NRXN1: variants seen among roughly 807,000 people sequenced by gnomAD.
The protein encoded by NRXN1 is neurexin-1.
NRXN1 carries 39 observed loss-of-function variants against 150.9 expected under a neutral mutation model. That is an observed-to-expected ratio of 0.26 (90% CI 0.20 to 0.34). The LOEUF is 0.34. NRXN1 is among the 10% of genes least tolerant of loss of function. The probability of loss-of-function intolerance (pLI) is 1.00; values close to 1 mark genes in which losing one functional copy is unlikely to be tolerated. For missense variants in NRXN1, 1,815 were observed against 1,949.9 expected, an observed-to-expected ratio of 0.93 and a Z score of 1.30; for synonymous variants, 924 against 757.0, an observed-to-expected ratio of 1.22 and a Z score of -3.62.
At chr2:50,820,278 T>G (rs1488686698) in intron 5 of NRXN1, among the ~76,000 whole-genome samples, 2 of 152,128 alleles carry the variant, frequency 1.3e-5, no homozygotes, top group Non-Finnish European at 1.5e-5. Context: ...CTTTATTCTC[T>G]TTCCCCATTA....
intron 2 of NRXN1, among the ~76,000 whole-genome samples, chr2:51,010,703 A>C (rs909462032): frequency 1.7e-4 from 26 of 152,026 alleles, no homozygotes; most frequent in African/African-American, 5.6e-4. Context: ...GAACTATAAT[A>C]ATACACACTC....
intron 2 of NRXN1, among the ~76,000 whole-genome samples, chr2:50,971,783 A>T (rs1161669845): frequency 1.3e-5 from 2 of 151,960 alleles, no homozygotes; most frequent in Non-Finnish European, 2.9e-5. Flanking sequence ...GTGTTTAAAA[A>T]TTTTTTTCAT....
At chr2:50,494,271 A>G (rs1433523559) in intron 15 of NRXN1, among the ~76,000 whole-genome samples, 1 of 152,100 alleles carries the variant, frequency 6.6e-6, no homozygotes, top group Non-Finnish European at 1.5e-5. Flanking sequence ...AGTATCCCTA[A>G]TTTCCAGTGA....
At chr2:50,586,511 C>T (rs538320682) in intron 8 of NRXN1, among the ~76,000 whole-genome samples, 3 of 151,956 alleles carry the variant, frequency 2.0e-5, no homozygotes, top group East Asian at 3.9e-4. Flanking sequence ...ATAAAGTATG[C>T]ACATATTAAA....
intron 21 of NRXN1, among the ~76,000 whole-genome samples, chr2:49,944,853 AATAAC>A (rs1188646455): frequency 6.6e-6 from 1 of 152,132 alleles, no homozygotes; most frequent in African/African-American, 2.4e-5. Context: ...GTGGAATTAA[AATAAC>A]ATAGGTCTTA....
At chr2:49,943,357 A>T (rs1166685622) in intron 22 of NRXN1, among the ~76,000 whole-genome samples, 1 of 152,186 alleles carries the variant, frequency 6.6e-6, no homozygotes, top group Non-Finnish European at 1.5e-5. Context: ...AATGTGCTGC[A>T]AATTTTTAGC....
chr2:50,244,409 T>C (rs2066315245), intron 17 of NRXN1, among the ~76,000 whole-genome samples: 1 of 151,884 alleles, frequency 6.6e-6, no homozygotes, highest in Non-Finnish European at 1.5e-5. Context: ...TATAAAACTA[T>C]GACTCTACAT....
At chr2:50,295,415 A>G (rs964996637) in intron 17 of NRXN1, among the ~76,000 whole-genome samples, 2 of 152,196 alleles carry the variant, frequency 1.3e-5, no homozygotes, top group African/African-American at 4.8e-5. Flanking sequence ...CTTCTACTCA[A>G]TATTAAATGG....
At chr2:50,186,155 T>C (rs538092339) in intron 18 of NRXN1, among the ~76,000 whole-genome samples, 19 of 152,136 alleles carry the variant, frequency 1.2e-4, no homozygotes, top group African/African-American at 4.6e-4. Context: ...ACAGAACAAA[T>C]AAAATGGCTC....
At chr2:50,112,378 G>A (rs4971648) in intron 18 of NRXN1, among the ~76,000 whole-genome samples, 38,626 of 152,012 alleles carry the variant, frequency 0.25, 5,328 homozygotes, top group Admixed American at 0.39. Flanking sequence ...CTCTTCATCT[G>A]TCATTACACC....
chr2:50,123,847 T>C (rs954240415), intron 18 of NRXN1, among the ~76,000 whole-genome samples: 26 of 152,186 alleles, frequency 1.7e-4, no homozygotes, highest in African/African-American at 6.0e-4. Flanking sequence ...ATGGATATTG[T>C]GGAAGGAGTA....
At chr2:50,255,866 T>C (rs1195288763) in intron 17 of NRXN1, among the ~76,000 whole-genome samples, 1 of 152,128 alleles carries the variant, frequency 6.6e-6, no homozygotes, top group African/African-American at 2.4e-5. Flanking sequence ...TTAAAATTAA[T>C]TATTAAGAGT....
At chr2:50,982,998 A>T (rs937308049) in intron 2 of NRXN1, among the ~76,000 whole-genome samples, 5 of 152,068 alleles carry the variant, frequency 3.3e-5, no homozygotes, top group Admixed American at 1.3e-4. Context: ...AAAATAAAAA[A>T]TGTGTTGGTC....
At chr2:50,019,444 AC>A (rs1438970769) in intron 21 of NRXN1, among the ~76,000 whole-genome samples, 9 of 150,680 alleles carry the variant, frequency 6.0e-5, no homozygotes. Flanking sequence ...GGAGTTCAAG[AC>A]CAGCCTGCCC....
At chr2:50,712,571 T>C (rs1382212085) in intron 5 of NRXN1, among the ~76,000 whole-genome samples, 2 of 152,224 alleles carry the variant, frequency 1.3e-5, no homozygotes, top group African/African-American at 4.8e-5. Context: ...CGTTATCTCA[T>C]TTTATTCTTC....
intron 18 of NRXN1, among the ~76,000 whole-genome samples, chr2:50,230,637 C>T (rs1489502426): frequency 6.6e-6 from 1 of 151,886 alleles, no homozygotes; most frequent in African/African-American, 2.4e-5. Context: ...CTGTTTTGTT[C>T]TCATTTCTTA....
chr2:50,358,487 C>T lies in NRXN1; in HGVS notation c.3364+106955G>A, dbSNP rs144157436. ...TGGGAAGTTTGGACTGGGCAGAGCC[C>T]ACCACAGCACCACAAAGCCGCTATA... On this transcript the variant is annotated intron_variant, in intron 17 of 22. Coordinates refer to ENST00000401669, the MANE Select transcript of NRXN1 (RefSeq NM_001330078.2). Among the ~76,000 whole-genome samples, 195 of 152,298 alleles carry T rather than the reference C, an allele frequency of 1.3e-3. 1 individual carries two copies. The highest frequency in any genetic ancestry group is 2.5e-3 in the Non-Finnish European group (170 of 68,012).
intron 17 of NRXN1, among the ~76,000 whole-genome samples, chr2:50,424,235 A>G (rs1191652198): frequency 9.6e-6 from 1 of 104,174 alleles, no homozygotes; most frequent in Non-Finnish European, 1.9e-5. Context: ...AAGAAGAAGA[A>G]GAGGAGGAGG....
intron 5 of NRXN1, among the ~76,000 whole-genome samples, chr2:50,646,039 A>G (rs1684766810): frequency 6.6e-6 from 1 of 151,956 alleles, no homozygotes; most frequent in African/African-American, 2.4e-5. Flanking sequence ...GACTTGAAGA[A>G]TAAGGTCTAA....
Sources: allele counts gnomAD v4.1 joint callset (sites outside exome capture counted in the v4.1 genomes callset), GRCh38; gene constraint gnomAD v4.1.1; transcripts MANE v1.5; gene names NCBI Gene and HGNC (gene_info 2026-07-23, HGNC 2026-07-21).